ACTN1: variants seen among roughly 807,000 people sequenced by gnomAD.
ACTN1 encodes the protein actinin alpha 1.
ACTN1 carries 30 observed loss-of-function variants against 119.6 expected under a neutral mutation model. That is an observed-to-expected ratio of 0.25 (90% CI 0.19 to 0.34). The LOEUF (loss-of-function observed/expected upper bound fraction) is 0.34, where lower values mean the gene tolerates loss of function less well. Among genes scored for constraint, ACTN1 ranks in the 10% least tolerant of loss-of-function variants. The probability of loss-of-function intolerance (pLI) is 1.00; values close to 1 mark genes in which losing one functional copy is unlikely to be tolerated. For missense variants in ACTN1, 764 were observed against 1,223.4 expected (o/e 0.62, Z 5.60); for synonymous variants, 429 against 472.6 (o/e 0.91, Z 1.20).
chr14:68,879,363 C>T lies in ACTN1; in HGVS notation c.2281-294G>A, dbSNP rs1389162304. Among the ~76,000 whole-genome samples, 5 of 152,040 alleles carry T rather than the reference C, an allele frequency of 3.3e-5. No homozygotes were observed. Among genetic ancestry groups the T allele is most frequent in the African/African-American group, 7.2e-5 (3 of 41,396 alleles). ...GAAGCTCCCTCAGAAGTGACCCAGC[C>T]CCCCCGCTTCCCCAGGGGCTTCCCC... On this transcript the variant is annotated intron_variant, in intron 18 of 21. Transcript: ENST00000394419. The surrounding 1 kb of genome is among the most constrained non-coding windows in gnomAD (Gnocchi z 4.9).
chr14:68,945,673 G>A (rs1467227562), intron 1 of ACTN1, among the ~76,000 whole-genome samples: 3 of 152,294 alleles, frequency 2.0e-5, no homozygotes, highest in Admixed American at 1.3e-4. Context: ...AGGAGAGACG[G>A]GGAGGAGGGG....
intron 14 of ACTN1, chr14:68,883,360 C>T (rs1180881091): frequency 8.8e-6 from 3 of 340,146 alleles, no homozygotes; most frequent in Non-Finnish European, 1.6e-5. Flanking sequence ...CCTCCCACAA[C>T]ATGAGCTTCC....
chr14:68,968,334 G>A (rs1249952122), intron 1 of ACTN1, among the ~76,000 whole-genome samples: 3 of 152,182 alleles, frequency 2.0e-5, no homozygotes, highest in Non-Finnish European at 4.4e-5. Flanking sequence ...GTGTGACCTG[G>A]GCAAGTGCTT....
At chr14:68,888,594 G>A (rs2032219356) in intron 11 of ACTN1, among the ~76,000 whole-genome samples, 1 of 152,062 alleles carries the variant, frequency 6.6e-6, no homozygotes. Flanking sequence ...CCTACACCAG[G>A]GGTCCCCACC....
At chr14:68,924,888 C>T (rs114586718) in intron 2 of ACTN1, among the ~76,000 whole-genome samples, 1,899 of 152,280 alleles carry the variant, frequency 0.012, 34 homozygotes, top group African/African-American at 0.043. Flanking sequence ...GTGACAAGCA[C>T]AGAGTTTTGG....
At chr14:68,928,571 T>G (rs755092941) in intron 1 of ACTN1, among the ~76,000 whole-genome samples, 1 of 152,162 alleles carries the variant, frequency 6.6e-6, no homozygotes, top group African/African-American at 2.4e-5. Flanking sequence ...TGTGTGACCT[T>G]CAGATTAACC....
chr14:68,947,025 G>A (rs1193312516), intron 1 of ACTN1, among the ~76,000 whole-genome samples: 1 of 152,178 alleles, frequency 6.6e-6, no homozygotes, highest in African/African-American at 2.4e-5. Context: ...ATGGGCCCCC[G>A]TGAAGATGGA....
intron 1 of ACTN1, among the ~76,000 whole-genome samples, chr14:68,975,477 C>T (rs1342283997): frequency 6.6e-6 from 1 of 152,094 alleles, no homozygotes; most frequent in East Asian, 1.9e-4. Flanking sequence ...GAGGAACTTG[C>T]CCAAGGTCAC....
At chr14:68,978,331 G>A in intron 1 of ACTN1, 1 of 393,608 alleles carries the variant, frequency 2.5e-6, no homozygotes, top group Non-Finnish European at 5.1e-6. Flanking sequence ...GCCCCCACAG[G>A]GCCCGCGGGG....
At chr14:68,923,452 A>C (rs2034757607) in intron 2 of ACTN1, among the ~76,000 whole-genome samples, 1 of 152,128 alleles carries the variant, frequency 6.6e-6, no homozygotes, top group African/African-American at 2.4e-5. Flanking sequence ...GATAAATTGT[A>C]AGGCCAGATT....
At chr14:68,966,678 TTA>T (rs1232567890) in intron 1 of ACTN1, among the ~76,000 whole-genome samples, 4 of 151,804 alleles carry the variant, frequency 2.6e-5, no homozygotes, top group Non-Finnish European at 5.9e-5. Context: ...GGCCCCACAG[TTA>T]TCTAGATCCA....
chr14:68,952,781 C>T (rs946703159), intron 1 of ACTN1, among the ~76,000 whole-genome samples: 18 of 152,132 alleles, frequency 1.2e-4, no homozygotes, highest in Non-Finnish European at 2.2e-4. Flanking sequence ...CCAGAGCCTC[C>T]GGTTCTCACC....
chr14:68,912,615 G>A (rs964732608), intron 3 of ACTN1, among the ~76,000 whole-genome samples: 2 of 152,048 alleles, frequency 1.3e-5, no homozygotes, highest in Non-Finnish European at 2.9e-5. Context: ...GGGTTCAAAC[G>A]ATCCTCCCAC....
chr14:68,940,354 A>G (rs1226041658), intron 1 of ACTN1, among the ~76,000 whole-genome samples: 1 of 152,102 alleles, frequency 6.6e-6, no homozygotes, highest in African/African-American at 2.4e-5. Context: ...CTACTCATAC[A>G]ATATGGGAAC....
At chr14:68,945,041 C>A (rs1476888250) in intron 1 of ACTN1, among the ~76,000 whole-genome samples, 1 of 151,700 alleles carries the variant, frequency 6.6e-6, no homozygotes, top group Non-Finnish European at 1.5e-5. Context: ...TGGCACGTGC[C>A]CATAATCCCA....
chr14:68,903,397 G>C (rs1308850596), intron 7 of ACTN1, among the ~76,000 whole-genome samples: 1 of 152,082 alleles, frequency 6.6e-6, no homozygotes, highest in Non-Finnish European at 1.5e-5. Flanking sequence ...ATAAAAATTA[G>C]CCGGTGGTGG....
Position 68,875,027 on chromosome 14 carries a change from G to T in ACTN1, c.2587-10C>A. The T allele has an allele frequency of 6.2e-7, 1 of 1,612,364 alleles. No individual in the cohort carries two copies. The highest frequency in any genetic ancestry group is 1.1e-5 in the South Asian group (1 of 91,078). On this transcript the variant is annotated splice_polypyrimidine_tract_variant and intron_variant, in intron 21 of 21. Transcript: ENST00000394419. The stretch of plus-strand genomic sequence containing the variant: ...CCATGGTAATGTAGTTCTGCGAGGA[G>T]AGAGTGGTCAGGAAGGCCGCAAAGT...
At position 68,979,103 on chromosome 14, in the gene ACTN1, T is replaced by A; in HGVS notation, c.-47A>T. 1.7e-6 allele frequency: 2 copies of A among 1,189,088 alleles called. No individual in the cohort carries two copies. The highest frequency in any genetic ancestry group is 1.6e-5 in the African/African-American group (1 of 63,672). The allele number at this position is 1,189,088 out of a possible 1,614,324, so 73.7% of individuals were successfully genotyped here. On this transcript the variant is annotated 5_prime_UTR_variant, in exon 1 of 22. Transcript: ENST00000394419. The stretch of plus-strand genomic sequence containing the variant: ...TCTGGATTTCTTCCTCCACCTTCTC[T>A]CTGAGCAACGGCTGCTGCCCTGGCG...
At chr14:68,912,106 G>C in intron 4 of ACTN1, 50 bp downstream of exon 4, 1 of 1,573,222 alleles carries the variant, frequency 6.4e-7, no homozygotes, top group Middle Eastern at 1.7e-4. Flanking sequence ...GCTAAGCCCA[G>C]GGAGGGAGAC....
Sources: allele counts gnomAD v4.1 joint callset (sites outside exome capture counted in the v4.1 genomes callset), GRCh38; gene constraint gnomAD v4.1.1; non-coding constraint Gnocchi (gnomAD v3.1); transcripts MANE v1.5; gene names NCBI Gene and HGNC (gene_info 2026-07-23, HGNC 2026-07-21).